Variants in MTUS2 observed in about 807,000 individuals in gnomAD.
MTUS2 encodes microtubule-associated tumor suppressor candidate 2.
A neutral mutation model predicts 114.1 loss-of-function variants in MTUS2; 40 were observed. The observed-to-expected ratio is 0.35, with a 90% CI of 0.27 to 0.46. MTUS2 has a LOEUF of 0.46. MTUS2 is among the 20% of genes least tolerant of loss of function. The probability of loss-of-function intolerance (pLI) is 1.00; values close to 1 mark genes in which losing one functional copy is unlikely to be tolerated. For synonymous variants in MTUS2, 688 were observed against 672.0 expected (o/e 1.02, Z -0.37); for missense variants, 1,679 against 1,705.4 (o/e 0.98, Z 0.27).
chr13:29,445,763 C>T (rs995191476), intron 9 of MTUS2, among the ~76,000 whole-genome samples: 2 of 151,954 alleles, frequency 1.3e-5, no homozygotes, highest in Admixed American at 6.6e-5. Flanking sequence ...AAAAAATTAG[C>T]CAGGTATGGT....
At chr13:29,370,204 G>A (rs1017196796) in intron 8 of MTUS2, among the ~76,000 whole-genome samples, 4 of 151,910 alleles carry the variant, frequency 2.6e-5, no homozygotes, top group Non-Finnish European at 5.9e-5. Flanking sequence ...AGAGAAAATG[G>A]TTTTTTAAAA....
At chr13:29,184,611 G>A (rs188361174) in intron 5 of MTUS2, among the ~76,000 whole-genome samples, 70 of 152,274 alleles carry the variant, frequency 4.6e-4, no homozygotes, top group South Asian at 1.4e-3. Flanking sequence ...ACTGGGACAC[G>A]TATTAGTTCC....
chr13:28,893,182 G>A (rs1348994813), intron 2 of MTUS2, among the ~76,000 whole-genome samples: 1 of 152,184 alleles, frequency 6.6e-6, no homozygotes, highest in African/African-American at 2.4e-5. Context: ...TGAGCATGCA[G>A]TTGATGTATC....
At chr13:29,332,870 C>A (rs558336378) in intron 7 of MTUS2, among the ~76,000 whole-genome samples, 1 of 152,056 alleles carries the variant, frequency 6.6e-6, no homozygotes, top group Non-Finnish European at 1.5e-5. Context: ...CTCCTGACCT[C>A]GTGATCTGCG....
At chr13:29,498,622 A>T in intron 14 of MTUS2, 85 bp downstream of exon 14, 2 of 1,571,396 alleles carry the variant, frequency 1.3e-6, no homozygotes, top group African/African-American at 2.7e-5. Flanking sequence ...GTGTTCAGCC[A>T]GGTGTGTCCC....
chr13:29,280,164 A>G (rs747229298), intron 5 of MTUS2, among the ~76,000 whole-genome samples: 2 of 152,156 alleles, frequency 1.3e-5, no homozygotes, highest in Admixed American at 1.3e-4. Flanking sequence ...TGTTTTTGCA[A>G]GTTCATGGTG....
At chr13:29,419,119 A>G (rs909868275) in intron 8 of MTUS2, among the ~76,000 whole-genome samples, 1 of 152,110 alleles carries the variant, frequency 6.6e-6, no homozygotes, top group African/African-American at 2.4e-5. Context: ...TGTTGCTTGG[A>G]TTTCTGCCTG....
At chr13:29,347,373 A>C (rs565970144) in intron 7 of MTUS2, among the ~76,000 whole-genome samples, 2 of 152,014 alleles carry the variant, frequency 1.3e-5, no homozygotes, top group South Asian at 4.2e-4. Context: ...CATTGAGTTC[A>C]AAATATTTTC....
chr13:29,215,483 T>C (rs1895641190), intron 5 of MTUS2, among the ~76,000 whole-genome samples: 1 of 151,374 alleles, frequency 6.6e-6, no homozygotes, highest in Non-Finnish European at 1.5e-5. Context: ...TGTTTTTTTT[T>C]TTTTTTTTTT....
chr13:29,354,018 C>G (rs567720578), intron 7 of MTUS2, among the ~76,000 whole-genome samples: 1 of 152,174 alleles, frequency 6.6e-6, no homozygotes, highest in African/African-American at 2.4e-5. Flanking sequence ...CGCACTAACT[C>G]CTGACCTCCC....
At chr13:29,296,188 T>C (rs1324236294) in intron 6 of MTUS2, among the ~76,000 whole-genome samples, 1 of 138,218 alleles carries the variant, frequency 7.2e-6, no homozygotes, top group East Asian at 2.4e-4. Flanking sequence ...GGTAGTTCTA[T>C]TTTTAGGTTT....
intron 6 of MTUS2, among the ~76,000 whole-genome samples, chr13:29,299,072 C>G (rs1489803100): frequency 6.6e-6 from 1 of 152,100 alleles, no homozygotes. Context: ...TTAAAAGAAT[C>G]TTTGTGGGAG....
intron 2 of MTUS2, among the ~76,000 whole-genome samples, chr13:28,854,152 C>T (rs544144927): frequency 1.1e-4 from 17 of 152,226 alleles, no homozygotes; most frequent in African/African-American, 3.9e-4. Context: ...CAAGACTTAC[C>T]CTAGACCTCT....
intron 2 of MTUS2, among the ~76,000 whole-genome samples, chr13:29,023,886 T>G (rs1326919563): frequency 6.6e-6 from 1 of 152,234 alleles, no homozygotes. Flanking sequence ...TCAGTTTCAT[T>G]ACTAGTGATG....
intron 5 of MTUS2, among the ~76,000 whole-genome samples, chr13:29,214,181 T>C (rs1400173835): frequency 2.1e-4 from 1 of 4,724 alleles, no homozygotes; most frequent in Non-Finnish European, 3.2e-4. Flanking sequence ...TACTACATTG[T>C]TTTTTTTTTT....
intron 8 of MTUS2, among the ~76,000 whole-genome samples, chr13:29,405,037 C>T (rs1306785847): frequency 1.3e-5 from 2 of 152,140 alleles, no homozygotes; most frequent in African/African-American, 4.8e-5. Flanking sequence ...TTTGCCTTTC[C>T]TGTATTGATT....
At chr13:29,341,512 G>C (rs1348898262) in intron 7 of MTUS2, among the ~76,000 whole-genome samples, 1 of 151,970 alleles carries the variant, frequency 6.6e-6, no homozygotes, top group African/African-American at 2.4e-5. Context: ...TTGCTGATTT[G>C]TTTGAGTTTC....
rs188298836 is a variant in MTUS2 at position 29,066,622 on chromosome 13, G to A, written c.2446+32497G>A. ...ATGGGCTGTAGTTTGCTGAATGATC[G>A]CTGTTTTAGAGAATCACCTTTGAGA... On this transcript the variant is annotated intron_variant, in intron 4 of 15. Coordinates refer to ENST00000612955, the MANE Select transcript of MTUS2 (RefSeq NM_001033602.4). 1.2e-4 allele frequency among the ~76,000 whole-genome samples: 18 copies of A among 152,308 alleles called. No homozygotes were observed. The South Asian group carries it at 1.9e-3, about 16-fold the overall frequency.
rs370028080 is a variant in MTUS2 at position 29,161,728 on chromosome 13, A to G, written c.2644+60758A>G. ...CTTACCAAAAGGTATCAACATCACCAGTACTAACTGCGGCGCCAGTTCTCA... is the reference window on the plus strand; with the variant it reads ...CTTACCAAAAGGTATCAACATCACCGGTACTAACTGCGGCGCCAGTTCTCA... On this transcript the variant is annotated intron_variant, in intron 5 of 15. Transcript: ENST00000612955. Among the ~76,000 whole-genome samples the G allele has an allele frequency of 3.9e-5, 6 of 152,230 alleles. No homozygotes were observed. The East Asian group carries it at 1.2e-3, about 29-fold the overall frequency.
Sources: allele counts gnomAD v4.1 joint callset (sites outside exome capture counted in the v4.1 genomes callset), GRCh38; gene constraint gnomAD v4.1.1; transcripts MANE v1.5; gene names NCBI Gene and HGNC (gene_info 2026-07-23, HGNC 2026-07-21).